Variants in POC1A observed in about 807,000 individuals in gnomAD.
POC1A encodes POC1 centriolar protein A.
Under a neutral mutation model 47.8 loss-of-function variants are expected in POC1A, and 34 were observed. The ratio of observed to expected loss-of-function variants is 0.71; its 90% CI spans 0.54 to 0.95. The LOEUF is 0.95. POC1A is among the 40% of genes least tolerant of loss of function. The pLI is 0.00. For missense variants in POC1A, 466 were observed against 528.3 expected (o/e 0.88, Z 1.16); for synonymous variants, 177 against 207.6 (o/e 0.85, Z 1.27).
intron 9 of POC1A, among the ~76,000 whole-genome samples, chr3:52,118,276 G>A (rs1050826405): frequency 3.3e-5 from 5 of 152,134 alleles, no homozygotes; most frequent in Admixed American, 3.3e-4. Flanking sequence ...AAGTAGAGAA[G>A]GTTCCCCAGC....
In POC1A at chr3:52,084,631, G is replaced by C. The variant is rs188878593; in HGVS notation, c.1126-8646C>G. On this transcript the variant is annotated intron_variant, in intron 10 of 10. Transcript: ENST00000296484. The surrounding 1 kb of genome is among the most constrained non-coding windows in gnomAD (Gnocchi z 4.3). ...CTTAAAAATACTTCTCCAAGTGCAGGCTTCACTCGAGGCTTCCCCAGTCCA... is the reference window on the plus strand; with the variant it reads ...CTTAAAAATACTTCTCCAAGTGCAGCCTTCACTCGAGGCTTCCCCAGTCCA... Among the ~76,000 whole-genome samples the C allele has an allele frequency of 6.6e-6, 1 of 152,316 alleles. No homozygotes were observed. Among genetic ancestry groups the C allele is most frequent in the Non-Finnish European group, 1.5e-5 (1 of 68,014 alleles).
At chr3:52,129,137 G>T (rs893837120) in intron 7 of POC1A, among the ~76,000 whole-genome samples, 1 of 152,068 alleles carries the variant, frequency 6.6e-6, no homozygotes, top group South Asian at 2.1e-4. Context: ...AAATTAGCCA[G>T]GGGCGGTGGC....
intron 4 of POC1A, among the ~76,000 whole-genome samples, chr3:52,147,490 G>C (rs1445498600): frequency 6.6e-6 from 1 of 152,080 alleles, no homozygotes; most frequent in Non-Finnish European, 1.5e-5. Flanking sequence ...CTGGAGTGCA[G>C]TGGTGTGATC....
At chr3:52,138,420 G>A in intron 6 of POC1A, 118 bp from the exon 7 acceptor site, 1 of 1,031,540 alleles carries the variant, frequency 9.7e-7, no homozygotes, top group Non-Finnish European at 1.4e-6. Flanking sequence ...GCTGGGTCAG[G>A]ATGGTCATTG....
chr3:52,144,023 A>G (rs774676012), intron 6 of POC1A, among the ~76,000 whole-genome samples: 4 of 152,212 alleles, frequency 2.6e-5, no homozygotes, highest in Non-Finnish European at 5.9e-5. Context: ...GGACTTATGT[A>G]GCACAAACCA....
intron 5 of POC1A, among the ~76,000 whole-genome samples, 165 bp from the exon 6 acceptor site, chr3:52,146,126 CAAG>C (rs1196621398): frequency 6.6e-6 from 1 of 152,216 alleles, no homozygotes; most frequent in Admixed American, 6.5e-5. Flanking sequence ...CAAGGGAGAG[CAAG>C]AAGAAGTAAA....
intron 7 of POC1A, among the ~76,000 whole-genome samples, chr3:52,129,694 G>C (rs765801218): frequency 8.5e-5 from 13 of 152,190 alleles, no homozygotes; most frequent in Non-Finnish European, 1.8e-4. Context: ...TCCCTCCCTT[G>C]AAAGACCAGG....
chr3:52,102,829 T>TC (rs1703044972), intron 9 of POC1A, among the ~76,000 whole-genome samples: 1 of 152,140 alleles, frequency 6.6e-6, no homozygotes, highest in Non-Finnish European at 1.5e-5. Flanking sequence ...GTCAATTTCC[T>TC]CCCAAATCAC....
intron 7 of POC1A, among the ~76,000 whole-genome samples, chr3:52,133,953 T>C (rs1265804459): frequency 6.6e-6 from 1 of 152,204 alleles, no homozygotes; most frequent in Non-Finnish European, 1.5e-5. Flanking sequence ...AGTAGCCCTC[T>C]CTCTCGCAGC....
chr3:52,127,734 C>T (rs1577887111), intron 7 of POC1A, among the ~76,000 whole-genome samples: 3 of 149,028 alleles, frequency 2.0e-5, no homozygotes, highest in South Asian at 4.3e-4. Context: ...CTGGCTCTAT[C>T]GCCCAGGCTG....
At chr3:52,105,752 G>GCAGTCCGGC (rs1553740383) in intron 9 of POC1A, among the ~76,000 whole-genome samples, 1 of 152,162 alleles carries the variant, frequency 6.6e-6, no homozygotes, top group East Asian at 1.9e-4. Context: ...CTAACTTTTG[G>GCAGTCCGGC]CAGTCCTGCC....
intron 7 of POC1A, among the ~76,000 whole-genome samples, chr3:52,133,321 C>G (rs1206589473): frequency 2.0e-5 from 3 of 152,178 alleles, no homozygotes; most frequent in African/African-American, 7.2e-5. Flanking sequence ...CTGGGACTTC[C>G]AGCATCTGGA....
intron 9 of POC1A, among the ~76,000 whole-genome samples, chr3:52,107,976 C>G (rs935531457): frequency 2.0e-5 from 3 of 152,192 alleles, no homozygotes; most frequent in African/African-American, 7.2e-5. Context: ...AGCCTCCTCC[C>G]ATCTGTGTCA....
At chr3:52,150,440 T>C (rs1698520387) in intron 2 of POC1A, among the ~76,000 whole-genome samples, 1 of 152,046 alleles carries the variant, frequency 6.6e-6, no homozygotes, top group Non-Finnish European at 1.5e-5. Flanking sequence ...CTCTTAACCT[T>C]TACACATCAG....
intron 6 of POC1A, among the ~76,000 whole-genome samples, chr3:52,141,322 G>A (rs576282141): frequency 6.6e-6 from 1 of 152,314 alleles, no homozygotes; most frequent in Admixed American, 6.5e-5. Flanking sequence ...AGAAAGCCTG[G>A]GTGCCCAAGC....
intron 3 of POC1A, 64 bp from the exon 4 acceptor site, chr3:52,149,453 A>G (rs1394260255): frequency 1.4e-6 from 2 of 1,478,986 alleles, no homozygotes; most frequent in Middle Eastern, 1.7e-4. Flanking sequence ...CCACAAGCAC[A>G]TCAAAGCTCT....
At chr3:52,149,612 A>G (rs1336950513) in intron 3 of POC1A, among the ~76,000 whole-genome samples, 1 of 152,166 alleles carries the variant, frequency 6.6e-6, no homozygotes, top group Non-Finnish European at 1.5e-5. Context: ...TTCTTTAGGG[A>G]TAGATTGGGT....
chr3:52,134,969 C>A (rs1188687952), intron 7 of POC1A, among the ~76,000 whole-genome samples: 4 of 152,188 alleles, frequency 2.6e-5, no homozygotes, highest in Non-Finnish European at 5.9e-5. Flanking sequence ...CAGGACCCCA[C>A]CACATCGCCA....
chr3:52,116,608 C>T (rs1342181792), intron 9 of POC1A, among the ~76,000 whole-genome samples: 1 of 152,204 alleles, frequency 6.6e-6, no homozygotes, highest in African/African-American at 2.4e-5. Context: ...CTGGCCCTCA[C>T]TACGATGACC....
Sources: gnomAD v4.1 joint callset for allele counts (sites outside exome capture counted in the v4.1 genomes callset) on GRCh38, gnomAD v4.1.1 for gene constraint, Gnocchi (gnomAD v3.1) non-coding constraint, MANE v1.5 for transcripts, NCBI Gene and HGNC (gene_info 2026-07-23, HGNC 2026-07-21) for gene names.